Variants in SWAP70 observed in about 807,000 individuals in gnomAD.
SWAP70 encodes the protein switch-associated protein 70.
A neutral mutation model predicts 80.2 loss-of-function variants in SWAP70; 34 were observed. The observed-to-expected ratio is 0.42, with a 90% CI of 0.32 to 0.56. The LOEUF (loss-of-function observed/expected upper bound fraction) is 0.56. Among genes scored for constraint, SWAP70 ranks in the 20% least tolerant of loss-of-function variants. The pLI, the probability that SWAP70 is intolerant of heterozygous loss-of-function variation, is 0.09. For synonymous variants in SWAP70, 239 were observed against 238.5 expected (o/e 1.00, Z -0.02); for missense variants, 578 against 690.7 (o/e 0.84, Z 1.83).
intron 1 of SWAP70, among the ~76,000 whole-genome samples, chr11:9,671,347 T>A (rs1850379668): frequency 9.2e-6 from 1 of 108,528 alleles, no homozygotes; most frequent in Non-Finnish European, 1.7e-5. Context: ...TATTTAAAAA[T>A]ATAAATATAT....
In SWAP70 at chr11:9,750,651, G is replaced by A. The variant is rs575285875; in HGVS notation, c.*681G>A. The A allele has an allele frequency of 6.6e-6, 1 of 152,330 alleles. No individual in the cohort carries two copies. The highest frequency in any genetic ancestry group is 2.1e-4 in the South Asian group (1 of 4,832). The allele number at this position is 152,330 out of a possible 1,614,324, so 9.4% of individuals were successfully genotyped here. ...GGGGCTCACTGCCACTGGGTACTCA[G>A]AACCTCTGTGGACTGGATGTCAGCT... On this transcript the variant is annotated 3_prime_UTR_variant, in exon 12 of 12. Transcript: ENST00000318950.
chr11:9,748,456 A>T (rs1259820388), intron 10 of SWAP70, among the ~76,000 whole-genome samples: 1 of 152,188 alleles, frequency 6.6e-6, no homozygotes, highest in East Asian at 1.9e-4. Flanking sequence ...GTTGTGATCC[A>T]TACCTCCATG....
At chr11:9,684,179 T>G (rs1850602886) in intron 1 of SWAP70, among the ~76,000 whole-genome samples, 2 of 152,144 alleles carry the variant, frequency 1.3e-5, no homozygotes, top group South Asian at 4.1e-4. Flanking sequence ...ACTCCTAGGC[T>G]CAAGTGGTCC....
At chr11:9,742,838 C>T (rs927553923) in intron 9 of SWAP70, among the ~76,000 whole-genome samples, 6 of 150,524 alleles carry the variant, frequency 4.0e-5, no homozygotes, top group Non-Finnish European at 7.4e-5. Context: ...CATAATCTTA[C>T]GCCAAGGGCC....
chr11:9,666,168 G>A (rs746666820), intron 1 of SWAP70, among the ~76,000 whole-genome samples: 10 of 148,532 alleles, frequency 6.7e-5, no homozygotes, highest in South Asian at 2.2e-4. Context: ...TCACTGCAAC[G>A]TCTGTCTCCT....
chr11:9,725,935 C>A (rs149943308), intron 4 of SWAP70, among the ~76,000 whole-genome samples: 1 of 145,198 alleles, frequency 6.9e-6, no homozygotes, highest in Non-Finnish European at 1.5e-5. Flanking sequence ...CATGGCATAA[C>A]GTTGAGTGAA....
At chr11:9,731,657 G>A (rs2133810185) in intron 6 of SWAP70, among the ~76,000 whole-genome samples, 1 of 152,180 alleles carries the variant, frequency 6.6e-6, no homozygotes, top group East Asian at 1.9e-4. Flanking sequence ...CTGTGAGATA[G>A]ATTAAATAAA....
chr11:9,748,114 A>G (rs1291432736), intron 10 of SWAP70, 58 bp downstream of exon 10: 5 of 1,533,518 alleles, frequency 3.3e-6, no homozygotes, highest in Admixed American at 1.8e-5. Flanking sequence ...ACATTTCTCA[A>G]TAATAGAATT....
intron 6 of SWAP70, among the ~76,000 whole-genome samples, chr11:9,731,911 T>C (rs1024150382): frequency 2.0e-5 from 3 of 152,200 alleles, no homozygotes; most frequent in Admixed American, 2.0e-4. Context: ...AGAAATTACA[T>C]TTAAGTAATT....
chr11:9,713,355 T>C lies in SWAP70; in HGVS notation c.241-111T>C, dbSNP rs532131870. 52 of 1,103,822 alleles carry C rather than the reference T, an allele frequency of 4.7e-5. No individual in the cohort carries two copies. In the African/African-American group the frequency reaches 7.9e-4, roughly 17 times the overall value. The allele number at this position is 1,103,822 out of a possible 1,614,324, so 68.4% of individuals were successfully genotyped here. On this transcript the variant is annotated intron_variant, in intron 2 of 11. Transcript: ENST00000318950. ...TATGTAGGATATGGCTGTTGGTTAA[T>C]TGGATTGATTAAAATGGGAGCCAAA...
chr11:9,703,480 A>G (rs1224968640), intron 2 of SWAP70: 1 of 456,144 alleles, frequency 2.2e-6, no homozygotes, highest in Non-Finnish European at 4.4e-6. Context: ...AAATGCAGCG[A>G]ATTTTTGTTG....
intron 1 of SWAP70, among the ~76,000 whole-genome samples, chr11:9,671,261 T>A (rs1850377139): frequency 1.3e-5 from 1 of 78,774 alleles, no homozygotes; most frequent in African/African-American, 5.6e-5. Context: ...TAAAAATATA[T>A]AAAATATATT....
At chr11:9,690,723 A>G (rs938122580) in intron 1 of SWAP70, among the ~76,000 whole-genome samples, 1 of 152,094 alleles carries the variant, frequency 6.6e-6, no homozygotes, top group Non-Finnish European at 1.5e-5. Context: ...CCCCATCTCT[A>G]TTTTTAAAAA....
intron 2 of SWAP70, among the ~76,000 whole-genome samples, chr11:9,705,556 C>A (rs1226163606): frequency 7.0e-6 from 1 of 143,060 alleles, no homozygotes; most frequent in African/African-American, 2.9e-5. Context: ...TCTGTGTACA[C>A]TTTGTGATCT....
Position 9,732,551 on chromosome 11 carries a change from G to A in SWAP70, c.921G>A (p.Leu307=). Residue 307 remains leucine (L), a synonymous_variant, in exon 7 of 12, where the codon CTG becomes CTA. Coordinates refer to ENST00000318950, the MANE Select transcript of SWAP70 (RefSeq NM_015055.4). The stretch of plus-strand genomic sequence containing the variant: ...CAGCCATTCATTCTACTATTCATCT[G>A]TTGAAGCTGGGCAGCCCTCCACCAC... ...WIQAIHSTIH[L]LKLGSPPPHK... is the part of the protein sequence containing the mutation. The A allele has an allele frequency of 1.9e-6, 3 of 1,605,730 alleles. No homozygotes were observed. Among genetic ancestry groups the A allele is most frequent in the African/African-American group, 1.3e-5 (1 of 74,462 alleles).
rs745775796 is a variant in SWAP70, at chr11:9,729,382, G to A, written c.829G>A (p.Val277Ile). 5.2e-5 allele frequency: 84 copies of A among 1,613,550 alleles called. 1 individual carries two copies. The highest frequency in any genetic ancestry group is 8.8e-5 in the South Asian group (8 of 91,010). Residue 277 changes from valine (V) to isoleucine (I), a missense_variant, in exon 6 of 12, where the codon GTA (valine) becomes ATA (isoleucine). Val to Ile is a conservative substitution (Grantham distance 29). Transcript: ENST00000318950. ...AGATGGAAAGAAATGCCTTTTTCTC[G>A]TAAAATGTTTTGATAAGACTTTTGA... is the stretch of plus-strand genomic sequence containing the variant. ...DKDGKKCLFL[V>I]KCFDKTFEIS...
At position 9,750,192 on chromosome 11, in the gene SWAP70, T is replaced by C. The variant is rs1015546706; in HGVS notation, c.*222T>C. 58 of 289,510 alleles carry C rather than the reference T, an allele frequency of 2.0e-4. No individual in the cohort carries two copies. The highest frequency in any genetic ancestry group is 1.2e-3 in the African/African-American group (57 of 46,782). 17.9% of individuals were successfully genotyped at this position (289,510 alleles called of 1,614,324 possible). A position where few individuals can be genotyped will look rare whatever the true frequency, so the allele number is the denominator to read the frequency against. Reference sequence around the variant, plus strand: ...GTCTCTACTAAAAATACAAAAAAAATTAGCTGAGCGTGGTGGCGGGCGCCT... The same window carrying C: ...GTCTCTACTAAAAATACAAAAAAAACTAGCTGAGCGTGGTGGCGGGCGCCT... On this transcript the variant is annotated 3_prime_UTR_variant, in exon 12 of 12. Transcript: ENST00000318950.
intron 1 of SWAP70, among the ~76,000 whole-genome samples, chr11:9,692,998 G>A (rs1209122993): frequency 6.6e-6 from 1 of 152,150 alleles, no homozygotes; most frequent in Admixed American, 6.5e-5. Context: ...AATTTAGAAA[G>A]AAGATATGCA....
intron 1 of SWAP70, among the ~76,000 whole-genome samples, chr11:9,684,894 T>C (rs1850611655): frequency 1.3e-5 from 2 of 152,226 alleles, no homozygotes; most frequent in South Asian, 2.1e-4. Context: ...GTTTTGGTAT[T>C]CACAGATGGC....
Sources: allele counts gnomAD v4.1 joint callset (sites outside exome capture counted in the v4.1 genomes callset), GRCh38; gene constraint gnomAD v4.1.1; transcripts MANE v1.5; gene names NCBI Gene and HGNC (gene_info 2026-07-23, HGNC 2026-07-21).